The following DEDD2 variants were observed in gnomAD, a reference collection of about 807,000 sequenced individuals.
The protein encoded by DEDD2 is death effector domain containing 2.
In DEDD2, 18 loss-of-function variants were observed where a neutral mutation model predicts 28.9. That is an observed-to-expected ratio of 0.62 (90% CI 0.43 to 0.92). The LOEUF is 0.92. DEDD2 is among the 40% of genes least tolerant of loss of function. DEDD2 has a pLI of 0.00. For synonymous variants in DEDD2, 211 were observed against 206.1 expected (o/e 1.02, Z -0.20); for missense variants, 411 against 463.3 (o/e 0.89, Z 1.04).
intron 3 of DEDD2, chr19:42,212,029 C>T (rs571202438): frequency 2.9e-5 from 4 of 136,328 alleles, no homozygotes; most frequent in African/African-American, 1.2e-4. Flanking sequence ...AAGAGTGAAA[C>T]TCTTTCTCAA....
chr19:42,216,642 C>A, intron 2 of DEDD2, 38 bp downstream of exon 2: 1 of 1,505,798 alleles, frequency 6.6e-7, no homozygotes. Flanking sequence ...CAGGCCCTTT[C>A]CTCCCAGGAA....
At chr19:42,218,890 GC>G (rs954398158), upstream of DEDD2, among the ~76,000 whole-genome samples, 1 of 151,996 alleles carries the variant, frequency 6.6e-6, no homozygotes, top group African/African-American at 2.4e-5. Flanking sequence ...GTGGTGGCAC[GC>G]GCCTGAAATC....
At chr19:42,216,625 C>A in intron 2 of DEDD2, 55 bp downstream of exon 2, 1 of 1,478,866 alleles carries the variant, frequency 6.8e-7, no homozygotes, top group South Asian at 1.3e-5. Flanking sequence ...GGAGGCCCAG[C>A]GGGAGCCAGG....
chr19:42,213,469 AT>A (rs916988763), intron 3 of DEDD2, among the ~76,000 whole-genome samples: 4 of 152,182 alleles, frequency 2.6e-5, no homozygotes, highest in Non-Finnish European at 2.9e-5. Context: ...CATGGCAGAT[AT>A]CCCCTTAACC....
chr19:42,217,338 G>C (rs1450722599), intron 1 of DEDD2, among the ~76,000 whole-genome samples: 1 of 152,170 alleles, frequency 6.6e-6, no homozygotes, highest in Non-Finnish European at 1.5e-5. Context: ...GCCCACCCCG[G>C]GGCTCCCTGC....
intron 4 of DEDD2, chr19:42,204,626 T>C (rs1251120793): frequency 2.0e-5 from 3 of 152,340 alleles, no homozygotes; most frequent in East Asian, 1.9e-4. Context: ...TATTTCTTTA[T>C]AGCAACACAA....
chr19:42,212,178 C>T (rs1188891245), intron 3 of DEDD2, among the ~76,000 whole-genome samples: 1 of 151,796 alleles, frequency 6.6e-6, no homozygotes, highest in Non-Finnish European at 1.5e-5. Flanking sequence ...CTAGCCTGGC[C>T]AACATGGTGA....
At chr19:42,215,747 C>A (rs1001770604) in intron 2 of DEDD2, among the ~76,000 whole-genome samples, 2 of 152,158 alleles carry the variant, frequency 1.3e-5, no homozygotes, top group African/African-American at 4.8e-5. Flanking sequence ...AGCCACTGCC[C>A]CTTTAGTAAC....
Position 42,199,132 on chromosome 19 carries a change from G to A in DEDD2, c.*306C>T, listed in dbSNP as rs2035219602. 7.1e-6 allele frequency: 3 copies of A among 423,762 alleles called. No homozygotes were observed. Among genetic ancestry groups the A allele is most frequent in the African/African-American group, 4.0e-5 (2 of 50,104 alleles). 26.3% of individuals were successfully genotyped at this position (423,762 alleles called of 1,614,324 possible). Reference sequence around the variant, plus strand: ...CCCAAGATCAGAGATACAATGTGCAGGGGGGCCTTTGGTGAGTGTGTAGCT... The same window carrying A: ...CCCAAGATCAGAGATACAATGTGCAAGGGGGCCTTTGGTGAGTGTGTAGCT... On this transcript the variant is annotated 3_prime_UTR_variant, in exon 5 of 5. Coordinates refer to ENST00000596251, the MANE Select transcript of DEDD2 (RefSeq NM_133328.4). This position sits in a 1 kb window ranked among gnomAD's most constrained non-coding sequence, Gnocchi z 7.4.
intron 4 of DEDD2, among the ~76,000 whole-genome samples, chr19:42,207,344 G>A (rs568512747): frequency 6.6e-6 from 1 of 152,156 alleles, no homozygotes; most frequent in Non-Finnish European, 1.5e-5. Flanking sequence ...GCTGGAGAAA[G>A]CTCTGCAGAT....
At chr19:42,212,182 A>G (rs1333060786) in intron 3 of DEDD2, among the ~76,000 whole-genome samples, 1 of 151,944 alleles carries the variant, frequency 6.6e-6, no homozygotes, top group African/African-American at 2.4e-5. Flanking sequence ...CCTGGCCAAC[A>G]TGGTGAAACT....
intron 4 of DEDD2, among the ~76,000 whole-genome samples, chr19:42,208,688 C>T (rs973845669): frequency 6.6e-5 from 10 of 152,212 alleles, no homozygotes; most frequent in African/African-American, 2.2e-4. Flanking sequence ...TGCTCCCACC[C>T]TCTCTTGGTG....
At chr19:42,205,421 G>A (rs1175940721) in intron 4 of DEDD2, among the ~76,000 whole-genome samples, 2 of 151,858 alleles carry the variant, frequency 1.3e-5, no homozygotes, top group Non-Finnish European at 2.9e-5. Flanking sequence ...CCTGAGGTCG[G>A]GAGTTCGAGA....
At position 42,199,496 on chromosome 19, in the gene DEDD2, C is replaced by T. The variant is rs2035237050; in HGVS notation, c.923G>A (p.Arg308Gln). 6.2e-7 allele frequency: 1 copy of T among 1,613,246 alleles called. No individual in the cohort carries two copies. ...SVDEADYEAG[R>Q]RRLLLMEEEG... Reference sequence around the variant, plus strand: ...CTCCTCCATCAGCAACAGGCGGCGCCGGCCAGCCTCATAGTCAGCCTCATC... The same window carrying T: ...CTCCTCCATCAGCAACAGGCGGCGCTGGCCAGCCTCATAGTCAGCCTCATC... The change falls in exon 5 of 5, where the codon CGG becomes CAG. Residue 308 changes from arginine (R) to glutamine (Q), a missense_variant. Arg to Gln is a conservative substitution (Grantham distance 43). This residue lies in a region of DEDD2 where 129 missense variants were observed against 189.9 expected (regional missense o/e 0.68). Transcript: ENST00000596251. The surrounding 1 kb of genome is among the most constrained non-coding windows in gnomAD (Gnocchi z 7.4).
chr19:42,216,663 C>T lies in DEDD2; in HGVS notation c.328+17G>A, dbSNP rs1204156602. ...CTTTCCTCCCAGGAAGTGTGACACCCTCCCATTCAACCGTACCTGGCCGGC... is the reference window on the plus strand; with the variant it reads ...CTTTCCTCCCAGGAAGTGTGACACCTTCCCATTCAACCGTACCTGGCCGGC... On this transcript the variant is annotated intron_variant, in intron 2 of 4. Coordinates refer to ENST00000596251, the MANE Select transcript of DEDD2 (RefSeq NM_133328.4). 5 of 1,542,706 alleles carry T rather than the reference C, an allele frequency of 3.2e-6. No homozygotes were observed. In the East Asian group the frequency reaches 7.1e-5, roughly 22 times the overall value.
Position 42,199,654 on chromosome 19 carries a change from C to T in DEDD2, c.765G>A (p.Glu255=). 6.2e-7 allele frequency: 1 copy of T among 1,614,156 alleles called. No homozygotes were observed. Among genetic ancestry groups the T allele is most frequent in the African/African-American group, 1.3e-5 (1 of 75,068 alleles). Residue 255 remains glutamate, a synonymous_variant, in exon 5 of 5, where the codon GAG becomes GAA. Coordinates refer to ENST00000596251, the MANE Select transcript of DEDD2 (RefSeq NM_133328.4). This position sits in a 1 kb window ranked among gnomAD's most constrained non-coding sequence, Gnocchi z 7.4. ...CCCAGAAGGCGTCCAGATAGGAGAG[C>T]TCTGAGAACTTGATGTCACAAACCA... ...GSVVCDIKFS[E]LSYLDAFWGD... is the part of the protein sequence containing the mutation.
intron 4 of DEDD2, among the ~76,000 whole-genome samples, chr19:42,201,506 T>G (rs759617720): frequency 5.3e-5 from 8 of 152,202 alleles, no homozygotes; most frequent in South Asian, 4.1e-4. Flanking sequence ...GGGGATGCAG[T>G]AGAATCAGCC....
chr19:42,201,143 A>G (rs1031267711), intron 4 of DEDD2, among the ~76,000 whole-genome samples: 1 of 152,222 alleles, frequency 6.6e-6, no homozygotes, highest in African/African-American at 2.4e-5. Context: ...TACAGATGAA[A>G]AAATGGAGGC....
intron 3 of DEDD2, among the ~76,000 whole-genome samples, chr19:42,213,637 A>G (rs1943703551): frequency 6.6e-6 from 1 of 152,228 alleles, no homozygotes; most frequent in Non-Finnish European, 1.5e-5. Context: ...TTTAACAAAA[A>G]ATGTAAGGGA....
Sources: allele counts gnomAD v4.1 joint callset (sites outside exome capture counted in the v4.1 genomes callset), GRCh38; gene constraint gnomAD v4.1.1; regional missense constraint gnomAD v4.1.1; non-coding constraint Gnocchi (gnomAD v3.1); transcripts MANE v1.5; gene names NCBI Gene and HGNC (gene_info 2026-07-23, HGNC 2026-07-21).